Variants in TRABD2B observed in about 807,000 individuals in gnomAD.
TRABD2B encodes the protein TraB domain containing 2B, also known as metalloprotease TIKI2.
Under a neutral mutation model 40.1 loss-of-function variants are expected in TRABD2B, and 14 were observed. That is an observed-to-expected ratio of 0.35 (90% CI 0.23 to 0.55). The LOEUF is 0.55. Among genes scored for constraint, TRABD2B ranks in the 20% least tolerant of loss-of-function variants. The pLI, the probability that TRABD2B is intolerant of heterozygous loss-of-function variation, is 0.90. For synonymous variants in TRABD2B, 263 were observed against 277.0 expected (o/e 0.95, Z 0.50); for missense variants, 541 against 648.6 (o/e 0.83, Z 1.80).
At chr1:47,961,623 C>T (rs1292670849) in intron 2 of TRABD2B, among the ~76,000 whole-genome samples, 1 of 152,210 alleles carries the variant, frequency 6.6e-6, no homozygotes, top group East Asian at 1.9e-4. Context: ...TGCTCATCAT[C>T]ACTGGCCATC....
At chr1:47,840,175 T>C (rs1439413479) in intron 2 of TRABD2B, among the ~76,000 whole-genome samples, 1 of 152,162 alleles carries the variant, frequency 6.6e-6, no homozygotes, top group Non-Finnish European at 1.5e-5. Context: ...GGCACTATCA[T>C]GTAGGGACTG....
chr1:47,844,596 G>A lies in TRABD2B; in HGVS notation c.667-42977C>T, dbSNP rs562488138. Among the ~76,000 whole-genome samples, 4 of 152,282 alleles carry A rather than the reference G, an allele frequency of 2.6e-5. No homozygotes were observed. The South Asian group carries it at 8.3e-4, about 32-fold the overall frequency. ...TTACTCTCTGGCAAACCCAAGAGAT[G>A]GGCAGACGCTCTGCTCCAAGGGTAA... On this transcript the variant is annotated intron_variant, in intron 2 of 6. Coordinates refer to ENST00000606738, the MANE Select transcript of TRABD2B (RefSeq NM_001194986.2).
chr1:47,958,798 A>G (rs1176425204), intron 2 of TRABD2B, among the ~76,000 whole-genome samples: 2 of 152,206 alleles, frequency 1.3e-5, no homozygotes, highest in African/African-American at 2.4e-5. Context: ...CATTAGTCAG[A>G]TCAGTGAGAC....
chr1:47,946,772 T>A (rs1276302296), intron 2 of TRABD2B, among the ~76,000 whole-genome samples: 3 of 152,206 alleles, frequency 2.0e-5, no homozygotes, highest in Non-Finnish European at 4.4e-5. Flanking sequence ...AGTTAGGAAG[T>A]GTTCCCTCCT....
At position 47,902,550 on chromosome 1, in the gene TRABD2B, G is replaced by A. The variant is rs771143282; in HGVS notation, c.666+91484C>T. Among the ~76,000 whole-genome samples the A allele has an allele frequency of 4.4e-4, 67 of 152,242 alleles. 2 individuals carry two copies. Among genetic ancestry groups the A allele is most frequent in the Admixed American group, 7.8e-4 (12 of 15,288 alleles). On this transcript the variant is annotated intron_variant, in intron 2 of 6. Transcript: ENST00000606738. ...CTCACTCTGACACCTAGGCTGCAGTGCAGTGGCACGATCATAGCTCACTGC... is the reference window on the plus strand; with the variant it reads ...CTCACTCTGACACCTAGGCTGCAGTACAGTGGCACGATCATAGCTCACTGC...
chr1:47,889,809 C>A (rs929650921), intron 2 of TRABD2B, among the ~76,000 whole-genome samples: 1 of 152,188 alleles, frequency 6.6e-6, no homozygotes, highest in African/African-American at 2.4e-5. Context: ...CAGGCACAAC[C>A]TTTACCCTCT....
intron 2 of TRABD2B, among the ~76,000 whole-genome samples, chr1:47,837,277 C>T (rs962886492): frequency 4.6e-5 from 7 of 152,150 alleles, no homozygotes; most frequent in Admixed American, 6.5e-5. Flanking sequence ...ACCTCAGCAC[C>T]AAGAGGGAAC....
chr1:47,923,663 A>G (rs1644930753), intron 2 of TRABD2B, among the ~76,000 whole-genome samples: 1 of 152,202 alleles, frequency 6.6e-6, no homozygotes, highest in Non-Finnish European at 1.5e-5. Context: ...TATTTAAATC[A>G]GTAGACTTTG....
intron 2 of TRABD2B, among the ~76,000 whole-genome samples, chr1:47,881,341 A>G (rs17103887): frequency 0.32 from 47,926 of 152,032 alleles, 7,968 homozygotes; most frequent in Non-Finnish European, 0.37. Context: ...AATATATTTG[A>G]GTGTCCCATG....
chr1:47,811,083 C>A (rs1434518908), intron 2 of TRABD2B, among the ~76,000 whole-genome samples: 3 of 152,250 alleles, frequency 2.0e-5, no homozygotes, highest in Non-Finnish European at 4.4e-5. Flanking sequence ...TGGGCAGGGC[C>A]TGTAGAGCCC....
chr1:47,875,215 A>C (rs1280653520), intron 2 of TRABD2B, among the ~76,000 whole-genome samples: 1 of 151,884 alleles, frequency 6.6e-6, no homozygotes, highest in East Asian at 1.9e-4. Context: ...AGTTGTTAAA[A>C]GCATGTTAGC....
At chr1:47,806,850 C>G (rs1311902467) in intron 2 of TRABD2B, among the ~76,000 whole-genome samples, 3 of 152,178 alleles carry the variant, frequency 2.0e-5, no homozygotes, top group Admixed American at 6.5e-5. Context: ...GAGAAGGCAG[C>G]AGGACCCCCT....
At chr1:47,786,556 ATGCG>A (rs931664771) in intron 4 of TRABD2B, among the ~76,000 whole-genome samples, 1 of 152,248 alleles carries the variant, frequency 6.6e-6, no homozygotes, top group African/African-American at 2.4e-5. Context: ...TGCCAGATGC[ATGCG>A]TGGTGGGGTG....
At chr1:47,989,785 C>T (rs1645974722) in intron 2 of TRABD2B, among the ~76,000 whole-genome samples, 1 of 152,072 alleles carries the variant, frequency 6.6e-6, no homozygotes, top group South Asian at 2.1e-4. Context: ...AACACACACA[C>T]ACACAATTCA....
chr1:47,949,226 G>A (rs2148378929), intron 2 of TRABD2B, among the ~76,000 whole-genome samples: 1 of 151,904 alleles, frequency 6.6e-6, no homozygotes, highest in Middle Eastern at 3.4e-3. Context: ...GGGTGATATG[G>A]CTATTATTAT....
At chr1:47,835,434 G>T (rs1570083622) in intron 2 of TRABD2B, among the ~76,000 whole-genome samples, 1 of 152,190 alleles carries the variant, frequency 6.6e-6, no homozygotes, top group African/African-American at 2.4e-5. Flanking sequence ...AAGAAGCTCA[G>T]TGAACTCCAA....
intron 2 of TRABD2B, among the ~76,000 whole-genome samples, chr1:47,825,737 A>G (rs2124427876): frequency 6.6e-6 from 1 of 150,972 alleles, no homozygotes; most frequent in East Asian, 2.0e-4. Context: ...GGAAATCCTC[A>G]GGGTGGGCAC....
chr1:47,948,828 T>A (rs1645297639), intron 2 of TRABD2B, among the ~76,000 whole-genome samples: 1 of 152,180 alleles, frequency 6.6e-6, no homozygotes, highest in Non-Finnish European at 1.5e-5. Context: ...TGCATCTGAA[T>A]CATCTCTCTC....
At chr1:47,908,602 C>T (rs1644709344) in intron 2 of TRABD2B, among the ~76,000 whole-genome samples, 1 of 152,222 alleles carries the variant, frequency 6.6e-6, no homozygotes. Context: ...CATTTCCTGT[C>T]TCTTGCCACC....
Sources: gnomAD v4.1 joint callset for allele counts (sites outside exome capture counted in the v4.1 genomes callset) on GRCh38, gnomAD v4.1.1 for gene constraint, MANE v1.5 for transcripts, NCBI Gene and HGNC (gene_info 2026-07-23, HGNC 2026-07-21) for gene names.